The following SORBS2 variants were observed in gnomAD, a reference collection of about 807,000 sequenced individuals.
SORBS2 encodes sorbin and SH3 domain-containing protein 2.
SORBS2 carries 46 observed loss-of-function variants against 97.7 expected under a neutral mutation model. That is an observed-to-expected ratio of 0.47 (90% CI 0.37 to 0.60). The LOEUF is 0.60. Among genes scored for constraint, SORBS2 ranks in the 20% least tolerant of loss-of-function variants. SORBS2 has a pLI of 0.00. For missense variants in SORBS2, 1,316 were observed against 1,282.3 expected (o/e 1.03, Z -0.40); for synonymous variants, 476 against 473.4 (o/e 1.01, Z -0.07).
At chr4:185,843,176 G>GCC (rs1433806425) in intron 1 of SORBS2, among the ~76,000 whole-genome samples, 3 of 152,068 alleles carry the variant, frequency 2.0e-5, no homozygotes, top group African/African-American at 7.2e-5. Flanking sequence ...GCAGGAAAAG[G>GCC]CCCCCACAAA....
intron 13 of SORBS2, among the ~76,000 whole-genome samples, chr4:185,591,494 AG>A (rs2095933765): frequency 6.6e-6 from 1 of 152,200 alleles, no homozygotes; most frequent in South Asian, 2.1e-4. Context: ...CAGCTTTGCT[AG>A]GGGTAGTCCA....
chr4:185,711,049 A>G (rs1348888616), intron 2 of SORBS2, among the ~76,000 whole-genome samples: 2 of 152,116 alleles, frequency 1.3e-5, no homozygotes, highest in African/African-American at 4.8e-5. Flanking sequence ...GGCTCACTGC[A>G]GCCTTGACTG....
At chr4:185,828,664 G>A (rs547076750) in intron 1 of SORBS2, among the ~76,000 whole-genome samples, 8 of 152,028 alleles carry the variant, frequency 5.3e-5, no homozygotes, top group Non-Finnish European at 7.4e-5. Context: ...ACAGCAACAC[G>A]AGATCCTAAA....
intron 1 of SORBS2, among the ~76,000 whole-genome samples, chr4:185,854,585 G>T (rs2099219665): frequency 6.6e-6 from 1 of 152,106 alleles, no homozygotes; most frequent in Non-Finnish European, 1.5e-5. Context: ...GCGCTGCCTT[G>T]GTTATTCAGT....
intron 1 of SORBS2, among the ~76,000 whole-genome samples, chr4:185,794,158 A>G (rs1253648176): frequency 6.6e-6 from 1 of 152,248 alleles, no homozygotes; most frequent in African/African-American, 2.4e-5. Flanking sequence ...TTTCTTAAGT[A>G]TAACAAATGT....
upstream of SORBS2, among the ~76,000 whole-genome samples, chr4:185,658,093 C>T (rs539678653): frequency 1.1e-4 from 17 of 152,196 alleles, 1 homozygote; most frequent in South Asian, 3.5e-3. Flanking sequence ...ACTGTTGAGT[C>T]AGTAACAGTG....
intron 2 of SORBS2, among the ~76,000 whole-genome samples, chr4:185,711,886 G>C (rs11132336): frequency 0.79 from 119,976 of 152,018 alleles, 48,330 homozygotes; most frequent in Non-Finnish European, 0.89. Context: ...CGTGCTCCCC[G>C]CCACCTATCC....
At position 185,736,662 on chromosome 4, in the gene SORBS2, T is replaced by C. The variant is rs149385864; in HGVS notation, c.-198+38565A>G. ...AGCCCCCTTCAGTTTTCCAGAGTCT[T>C]TCCTGGGGTCTTGCTTGGCTCAGGG... is the stretch of plus-strand genomic sequence containing the variant. On this transcript the variant is annotated intron_variant, in intron 2 of 20. Transcript: ENST00000284776. Among the ~76,000 whole-genome samples the C allele has an allele frequency of 4.6e-5, 7 of 152,326 alleles. No individual in the cohort carries two copies. The East Asian group carries it at 1.2e-3, about 25-fold the overall frequency.
At chr4:185,886,785 G>T (rs1449659116) in intron 1 of SORBS2, among the ~76,000 whole-genome samples, 1 of 152,036 alleles carries the variant, frequency 6.6e-6, no homozygotes, top group Non-Finnish European at 1.5e-5. Flanking sequence ...GAAGAGGTCT[G>T]ATCATTTAGC....
chr4:185,587,431 G>C (rs2095813214), exon 15 of SORBS2: 3 of 589,404 alleles, frequency 5.1e-6, no homozygotes, highest in Admixed American at 2.9e-5. Flanking sequence ...TTTCACGGAG[G>C]GGGACCAGCC....
intron 1 of SORBS2, among the ~76,000 whole-genome samples, chr4:185,788,112 G>GC (rs1561031163): frequency 6.6e-6 from 1 of 152,224 alleles, no homozygotes; most frequent in East Asian, 1.9e-4. Flanking sequence ...TCCAGCGCCA[G>GC]CTGCTGCTTT....
chr4:185,922,170 C>T (rs1473237882), intron 1 of SORBS2, among the ~76,000 whole-genome samples: 1 of 152,156 alleles, frequency 6.6e-6, no homozygotes, highest in African/African-American at 2.4e-5. Context: ...CTTTAACAGT[C>T]GTGGTTAGCA....
At chr4:185,756,462 A>T (rs756971118) in intron 2 of SORBS2, among the ~76,000 whole-genome samples, 2 of 152,208 alleles carry the variant, frequency 1.3e-5, no homozygotes, top group Non-Finnish European at 1.5e-5. Context: ...AAGAAATCAT[A>T]TCAGTCAGTT....
chr4:185,657,541 G>A, upstream of SORBS2: 1 of 1,580,926 alleles, frequency 6.3e-7, no homozygotes, highest in Non-Finnish European at 8.6e-7. Context: ...GGGGGATAGA[G>A]CTGCTGGTGG....
At chr4:185,926,239 G>C (rs890605880) in intron 1 of SORBS2, among the ~76,000 whole-genome samples, 4 of 152,276 alleles carry the variant, frequency 2.6e-5, no homozygotes, top group Non-Finnish European at 5.9e-5. Context: ...GCAATGCCAA[G>C]AGGGCCGTGG....
intron 1 of SORBS2, among the ~76,000 whole-genome samples, chr4:185,836,503 C>G (rs1579127434): frequency 6.6e-6 from 1 of 152,194 alleles, no homozygotes; most frequent in Non-Finnish European, 1.5e-5. Context: ...ACAATATTTA[C>G]TAAGTGATTA....
chr4:185,746,058 A>C (rs2098757870), intron 2 of SORBS2, among the ~76,000 whole-genome samples: 1 of 152,236 alleles, frequency 6.6e-6, no homozygotes, highest in South Asian at 2.1e-4. Context: ...AGAAGCATAG[A>C]GGGAAAAGCA....
At chr4:185,935,369 G>T (rs1302484092) in intron 1 of SORBS2, among the ~76,000 whole-genome samples, 1 of 152,134 alleles carries the variant, frequency 6.6e-6, no homozygotes, top group East Asian at 1.9e-4. Flanking sequence ...TCAAAACTAA[G>T]CCATGGGAGA....
chr4:185,789,476 ATAAT>A (rs1473494134), intron 1 of SORBS2, among the ~76,000 whole-genome samples: 1 of 151,180 alleles, frequency 6.6e-6, no homozygotes, highest in African/African-American at 2.4e-5. Flanking sequence ...ATTTATAAGT[ATAAT>A]TAATATATAA....
Sources: gnomAD v4.1 joint callset for allele counts (sites outside exome capture counted in the v4.1 genomes callset) on GRCh38, gnomAD v4.1.1 for gene constraint, MANE v1.5 for transcripts, NCBI Gene and HGNC (gene_info 2026-07-23, HGNC 2026-07-21) for gene names.